DSCAM: variants seen among roughly 807,000 people sequenced by gnomAD.
The protein encoded by DSCAM is cell adhesion molecule DSCAM.
A neutral mutation model predicts 217.7 loss-of-function variants in DSCAM; 47 were observed. The observed-to-expected ratio is 0.22, with a 90% confidence interval of 0.17 to 0.28. The LOEUF (loss-of-function observed/expected upper bound fraction) is 0.28, where lower values mean the gene tolerates loss of function less well. DSCAM is among the 10% of genes least tolerant of loss of function. DSCAM has a pLI of 1.00. For synonymous variants in DSCAM, 1,056 were observed against 1,015.3 expected, an observed-to-expected ratio of 1.04 and a Z score of -0.76; for missense variants, 2,080 against 2,618.3, an observed-to-expected ratio of 0.79 and a Z score of 4.49.
intron 3 of DSCAM, among the ~76,000 whole-genome samples, chr21:40,404,064 C>G (rs1273001006): frequency 6.6e-6 from 1 of 152,156 alleles, no homozygotes; most frequent in Non-Finnish European, 1.5e-5. Flanking sequence ...CTGAGATGGA[C>G]TGCTGTGTCC....
chr21:40,471,476 G>A lies in DSCAM; in HGVS notation c.509-102231C>T, dbSNP rs547300167. On this transcript the variant is annotated intron_variant, in intron 3 of 32. Coordinates refer to ENST00000400454, the MANE Select transcript of DSCAM (RefSeq NM_001389.5). The stretch of plus-strand genomic sequence containing the variant: ...ACAACATCAGTAACTGATTATGCAT[G>A]AGACAGTACTAGGGTTACAGTCTGC... 5.3e-5 allele frequency among the ~76,000 whole-genome samples: 8 copies of A among 152,312 alleles called. No individual in the cohort carries two copies. The South Asian group carries it at 1.5e-3, about 28-fold the overall frequency.
rs1019321765 is a variant in DSCAM at position 40,610,213 on chromosome 21, G to A, written c.508+82597C>T. 2.0e-5 allele frequency among the ~76,000 whole-genome samples: 3 copies of A among 152,144 alleles called. No individual in the cohort carries two copies. The South Asian group carries it at 6.2e-4, about 32-fold the overall frequency. ...CTCTTTACTGTAGAAAGAAAAAAAT[G>A]CCCACATTTCTGGGAGGAAATTGCA... On this transcript the variant is annotated intron_variant, in intron 3 of 32. Transcript: ENST00000400454.
At chr21:40,643,006 G>A (rs908327731) in intron 3 of DSCAM, among the ~76,000 whole-genome samples, 3 of 152,202 alleles carry the variant, frequency 2.0e-5, no homozygotes, top group African/African-American at 7.2e-5. Flanking sequence ...TGGGGCTGCT[G>A]TGTGTTTCAG....
intron 3 of DSCAM, among the ~76,000 whole-genome samples, chr21:40,527,942 A>G (rs954114923): frequency 3.3e-5 from 5 of 152,136 alleles, no homozygotes; most frequent in African/African-American, 1.2e-4. Context: ...GCCACTAGTC[A>G]TCTCCAGGAG....
Position 40,078,962 on chromosome 21 carries a change from T to C in DSCAM, c.4436A>G (p.Lys1479Arg). 6.2e-7 allele frequency: 1 copy of C among 1,613,848 alleles called. No homozygotes were observed. Among genetic ancestry groups the C allele is most frequent in the South Asian group, 1.1e-5 (1 of 91,052 alleles). Residue 1479 changes from lysine to arginine, a missense_variant, in exon 26 of 33, where the codon AAG becomes AGG. Coordinates refer to ENST00000400454, the MANE Select transcript of DSCAM (RefSeq NM_001389.5). ...KTLGKEPQFS[K>R]EQELFASINT... ...GATGCTGGCAAACAGCTCCTGCTCC[T>C]TTGAGAACTGGGGCTCTGGGGGAGA...
In DSCAM at chr21:40,404,636, C is replaced by T. The variant is rs77011468; in HGVS notation, c.509-35391G>A. On this transcript the variant is annotated intron_variant, in intron 3 of 32. Transcript: ENST00000400454. ...TAATTCCACTTTTAGATATCCTCTC[C>T]GGAAAGTTCTATCATTGCCAACACT... Among the ~76,000 whole-genome samples, 195 of 152,290 alleles carry T rather than the reference C, an allele frequency of 1.3e-3. 5 individuals are homozygous for T. In the East Asian group the frequency reaches 0.031, roughly 24 times the overall value.
At chr21:40,586,933 G>A (rs548927817) in intron 3 of DSCAM, among the ~76,000 whole-genome samples, 72 of 152,156 alleles carry the variant, frequency 4.7e-4, no homozygotes, top group African/African-American at 1.6e-3. Context: ...ACATCACACA[G>A]CATCTAAAAA....
At chr21:40,776,526 G>A (rs1319944752) in intron 1 of DSCAM, among the ~76,000 whole-genome samples, 1 of 152,180 alleles carries the variant, frequency 6.6e-6, no homozygotes, top group Non-Finnish European at 1.5e-5. Context: ...CAGTTGTGGA[G>A]CAGGGGTTGT....
intron 3 of DSCAM, among the ~76,000 whole-genome samples, chr21:40,448,325 T>C (rs150919953): frequency 6.6e-6 from 1 of 152,252 alleles, no homozygotes; most frequent in African/African-American, 2.4e-5. Flanking sequence ...GAGTTCATTC[T>C]CTCTTCTTGA....
chr21:40,149,026 T>A (rs902772849), intron 16 of DSCAM, among the ~76,000 whole-genome samples: 4 of 152,000 alleles, frequency 2.6e-5, no homozygotes, highest in African/African-American at 4.8e-5. Context: ...TTTATCACTA[T>A]CCCAAAACCA....
chr21:40,643,223 A>C (rs1460471323), intron 3 of DSCAM, among the ~76,000 whole-genome samples: 1 of 152,174 alleles, frequency 6.6e-6, no homozygotes, highest in Non-Finnish European at 1.5e-5. Context: ...ACTGAGTAAG[A>C]CAGATTGATA....
intron 3 of DSCAM, among the ~76,000 whole-genome samples, chr21:40,546,021 C>T (rs1362999060): frequency 2.0e-5 from 3 of 152,160 alleles, no homozygotes; most frequent in Non-Finnish European, 4.4e-5. Context: ...GTAACCTGGT[C>T]GTAATACTTA....
intron 1 of DSCAM, among the ~76,000 whole-genome samples, chr21:40,811,351 GC>G (rs757458722): frequency 2.9e-4 from 44 of 152,196 alleles, no homozygotes; most frequent in Non-Finnish European, 5.3e-4. Context: ...TCCTTTTTAA[GC>G]TTTTACCTGT....
chr21:40,218,814 T>A (rs1468342787), intron 11 of DSCAM, among the ~76,000 whole-genome samples: 2 of 152,164 alleles, frequency 1.3e-5, no homozygotes, highest in African/African-American at 4.8e-5. Flanking sequence ...ATATAGGAAT[T>A]AGTGATTTTT....
chr21:40,279,499 A>G (rs1236853761), intron 10 of DSCAM, among the ~76,000 whole-genome samples: 1 of 152,260 alleles, frequency 6.6e-6, no homozygotes, highest in African/African-American at 2.4e-5. Flanking sequence ...GGATGTGGAG[A>G]AATAGGAAGG....
chr21:40,580,362 G>C (rs1039263712), intron 3 of DSCAM, among the ~76,000 whole-genome samples: 6 of 151,840 alleles, frequency 4.0e-5, no homozygotes, highest in Non-Finnish European at 8.8e-5. Flanking sequence ...GTGAAACCCC[G>C]TCTCTACTAA....
Position 40,060,661 on chromosome 21 carries a change from G to T in DSCAM, c.4919+2208C>A, listed in dbSNP as rs369673056. On this transcript the variant is annotated intron_variant, in intron 28 of 32. Transcript: ENST00000400454. ...ACCTCCAGGCACCATTATCACCTCC[G>T]CGGTGCTAGTATGGCCAGGGCATTT... 1.5e-4 allele frequency among the ~76,000 whole-genome samples: 23 copies of T among 152,296 alleles called. No individual in the cohort carries two copies. In the East Asian group the frequency reaches 3.3e-3, roughly 22 times the overall value.
At chr21:40,229,262 TA>T (rs2091359591) in intron 11 of DSCAM, among the ~76,000 whole-genome samples, 1 of 152,260 alleles carries the variant, frequency 6.6e-6, no homozygotes, top group Non-Finnish European at 1.5e-5. Context: ...TTAGTAAAGT[TA>T]TTTAACTCAT....
intron 1 of DSCAM, among the ~76,000 whole-genome samples, chr21:40,843,368 ATGTG>A (rs36229663): frequency 0.066 from 9,594 of 146,028 alleles, 342 homozygotes; most frequent in African/African-American, 0.094. Flanking sequence ...GAATGCATGC[ATGTG>A]TGTGTGTGTG....
Sources: gnomAD v4.1 joint callset for allele counts (sites outside exome capture counted in the v4.1 genomes callset) on GRCh38, gnomAD v4.1.1 for gene constraint, MANE v1.5 for transcripts, NCBI Gene and HGNC (gene_info 2026-07-23, HGNC 2026-07-21) for gene names.